Variants in GFRA1 observed in about 807,000 individuals in gnomAD.
GFRA1 encodes GDNF family receptor alpha 1, also known as GDNF family receptor alpha-1.
GFRA1 carries 16 observed loss-of-function variants against 51.6 expected under a neutral mutation model. The observed-to-expected ratio is 0.31, with a 90% CI of 0.21 to 0.47. The LOEUF (loss-of-function observed/expected upper bound fraction) is 0.47, where lower values mean the gene tolerates loss of function less well. Ranked by LOEUF, GFRA1 falls within the 20% of genes least tolerant of loss-of-function variation. The pLI is 1.00. For synonymous variants in GFRA1, 270 were observed against 241.3 expected, an observed-to-expected ratio of 1.12 and a Z score of -1.10; for missense variants, 530 against 594.3, an observed-to-expected ratio of 0.89 and a Z score of 1.13.
chr10:116,125,443 G>A lies in GFRA1; in HGVS notation c.548C>T (p.Ser183Phe). 6.2e-7 allele frequency: 1 copy of A among 1,614,110 alleles called. No homozygotes were observed. Among genetic ancestry groups the A allele is most frequent in the Non-Finnish European group, 8.5e-7 (1 of 1,179,958 alleles). The change falls in exon 6 of 11, where the codon TCC (serine) becomes TTC (phenylalanine). Residue 183 changes from serine to phenylalanine, a missense_variant. Coordinates refer to ENST00000355422, the MANE Select transcript of GFRA1 (RefSeq NM_005264.8). ...AYITPCTTSV[S>F]NDVCNRRKCH... ...CTTGCGGCGGTTGCAGACATCGTTG[G>A]ACACGCTGGTGGTGCACGGGGTGAT...
chr10:116,155,601 A>G (rs1959184579), intron 5 of GFRA1, among the ~76,000 whole-genome samples: 1 of 152,228 alleles, frequency 6.6e-6, no homozygotes, highest in South Asian at 2.1e-4. Flanking sequence ...TTTTCCGAGC[A>G]CATTTTATCC....
Position 116,271,980 on chromosome 10 carries a change from C to T in GFRA1, c.40+10G>A. 1 of 1,553,962 alleles carries T rather than the reference C, an allele frequency of 6.4e-7. No homozygotes were observed. Among genetic ancestry groups the T allele is most frequent in the South Asian group, 1.2e-5 (1 of 84,244 alleles). On this transcript the variant is annotated intron_variant, in intron 2 of 10. Transcript: ENST00000355422. ...GAGGGTAAGAAAGCCCGCGGCGGGC[C>T]TCGACTTACCCAAGAGCGGCAGCGC...
chr10:116,196,603 A>G lies in GFRA1; in HGVS notation c.433+15028T>C, dbSNP rs1565643401. 3.8e-5 allele frequency among the ~76,000 whole-genome samples: 2 copies of G among 52,770 alleles called. 1 individual carries two copies. The highest frequency in any genetic ancestry group is 7.1e-5 in the Non-Finnish European group (2 of 28,086). 34.6% of individuals were successfully genotyped at this position (52,770 alleles called of 152,430 possible). A position where few individuals can be genotyped will look rare whatever the true frequency, so the allele number is the denominator to read the frequency against. On this transcript the variant is annotated intron_variant, in intron 5 of 10. Coordinates refer to ENST00000355422, the MANE Select transcript of GFRA1 (RefSeq NM_005264.8). ...ATATATAGTACTATATATAATATAT[A>G]TATAGTACTATATATAATATATATA...
chr10:116,137,089 G>A (rs1327867379), intron 5 of GFRA1, among the ~76,000 whole-genome samples: 4 of 152,106 alleles, frequency 2.6e-5, no homozygotes, highest in African/African-American at 9.7e-5. Flanking sequence ...ATAGTCACAC[G>A]GTACATTTGC....
intron 4 of GFRA1, among the ~76,000 whole-genome samples, chr10:116,242,942 G>A (rs1967525446): frequency 6.6e-6 from 1 of 152,136 alleles, no homozygotes; most frequent in Non-Finnish European, 1.5e-5. Context: ...CAACAGTCAA[G>A]TAAATTAATA....
intron 4 of GFRA1, among the ~76,000 whole-genome samples, chr10:116,250,750 G>C (rs1394550515): frequency 6.6e-6 from 1 of 152,180 alleles, no homozygotes; most frequent in Non-Finnish European, 1.5e-5. Context: ...TGGATTTGAA[G>C]CTTCCTGGTG....
At chr10:116,222,158 A>G (rs1965968732) in intron 4 of GFRA1, among the ~76,000 whole-genome samples, 1 of 152,120 alleles carries the variant, frequency 6.6e-6, no homozygotes, top group South Asian at 2.1e-4. Flanking sequence ...CAATGCACAT[A>G]TGGGTGCAGC....
chr10:116,128,405 C>G (rs1288299575), intron 5 of GFRA1, among the ~76,000 whole-genome samples: 1 of 152,134 alleles, frequency 6.6e-6, no homozygotes, highest in Non-Finnish European at 1.5e-5. Flanking sequence ...AAGGAGTCCA[C>G]AAGCTTATAC....
At chr10:116,069,249 G>A (rs1955260654) in intron 9 of GFRA1, among the ~76,000 whole-genome samples, 1 of 152,202 alleles carries the variant, frequency 6.6e-6, no homozygotes, top group South Asian at 2.1e-4. Flanking sequence ...TATTCTTACA[G>A]TATGTTGAAA....
intron 4 of GFRA1, among the ~76,000 whole-genome samples, chr10:116,224,736 T>C (rs937041880): frequency 6.6e-6 from 1 of 152,124 alleles, no homozygotes; most frequent in Non-Finnish European, 1.5e-5. Flanking sequence ...AAGGAGGTAA[T>C]GAAAACACTC....
At chr10:116,180,080 A>G (rs1565631566) in intron 5 of GFRA1, among the ~76,000 whole-genome samples, 1 of 152,248 alleles carries the variant, frequency 6.6e-6, no homozygotes, top group Non-Finnish European at 1.5e-5. Flanking sequence ...ATTATTCCAA[A>G]CCATGCCAGT....
intron 4 of GFRA1, among the ~76,000 whole-genome samples, chr10:116,249,909 G>A (rs567988275): frequency 5.9e-5 from 9 of 152,242 alleles, no homozygotes; most frequent in African/African-American, 1.9e-4. Flanking sequence ...TGCAGATAAC[G>A]AAACAGGAAA....
chr10:116,273,425 G>A (rs1844096642), upstream of GFRA1: 1 of 152,186 alleles, frequency 6.6e-6, no homozygotes, highest in Non-Finnish European at 1.5e-5. Flanking sequence ...TGGAAGCGGC[G>A]CGGAGAATGG....
chr10:116,125,631 G>C (rs1428785663), intron 5 of GFRA1, 74 bp from the exon 6 acceptor site: 1 of 1,191,478 alleles, frequency 8.4e-7, no homozygotes, highest in East Asian at 2.5e-5. Context: ...TTTTAATTGA[G>C]ATCCTGCCAT....
intron 3 of GFRA1, among the ~76,000 whole-genome samples, chr10:116,270,020 GA>G (rs1843772665): frequency 6.6e-6 from 1 of 152,156 alleles, no homozygotes; most frequent in African/African-American, 2.4e-5. Context: ...GCCCACCTCT[GA>G]AACAGGTTTT....
At chr10:116,259,360 A>G (rs1207633176) in intron 4 of GFRA1, among the ~76,000 whole-genome samples, 1 of 143,390 alleles carries the variant, frequency 7.0e-6, no homozygotes, top group Non-Finnish European at 1.5e-5. Context: ...AATGCTATTT[A>G]TACGACAACA....
intron 5 of GFRA1, among the ~76,000 whole-genome samples, chr10:116,177,528 C>T (rs184821741): frequency 5.9e-5 from 9 of 152,146 alleles, no homozygotes; most frequent in African/African-American, 2.2e-4. Context: ...AGGGTCTTGG[C>T]TAGTGTTGGC....
intron 5 of GFRA1, among the ~76,000 whole-genome samples, chr10:116,203,225 C>A (rs1198398020): frequency 6.6e-6 from 1 of 152,150 alleles, no homozygotes; most frequent in Middle Eastern, 3.2e-3. Context: ...TCCAAAAGAT[C>A]ACTTCAGCTG....
chr10:116,089,694 C>T (rs201889971), intron 9 of GFRA1, 47 bp downstream of exon 9: 84 of 1,517,258 alleles, frequency 5.5e-5, no homozygotes, highest in Non-Finnish European at 6.5e-5. Context: ...GTTTCACCCC[C>T]CCACCAGGAA....
Sources: allele counts gnomAD v4.1 joint callset (sites outside exome capture counted in the v4.1 genomes callset), GRCh38; gene constraint gnomAD v4.1.1; transcripts MANE v1.5; gene names NCBI Gene and HGNC (gene_info 2026-07-23, HGNC 2026-07-21).